DPYSL3: variants seen among roughly 807,000 people sequenced by gnomAD.
The protein encoded by DPYSL3 is dihydropyrimidinase-related protein 3.
Under a neutral mutation model 66.1 loss-of-function variants are expected in DPYSL3, and 16 were observed. The observed-to-expected ratio is 0.24, with a 90% CI of 0.16 to 0.37. The LOEUF (loss-of-function observed/expected upper bound fraction) is 0.37, where lower values mean the gene tolerates loss of function less well. Ranked by LOEUF, DPYSL3 falls within the 10% of genes least tolerant of loss-of-function variation. The probability of loss-of-function intolerance (pLI) is 1.00; values close to 1 mark genes in which losing one functional copy is unlikely to be tolerated. For missense variants in DPYSL3, 738 were observed against 916.2 expected, an observed-to-expected ratio of 0.81 and a Z score of 2.51; for synonymous variants, 338 against 345.1, an observed-to-expected ratio of 0.98 and a Z score of 0.23.
chr5:147,418,012 T>A (rs1178497912), intron 3 of DPYSL3, among the ~76,000 whole-genome samples: 1 of 152,124 alleles, frequency 6.6e-6, no homozygotes, highest in Non-Finnish European at 1.5e-5. Context: ...GAAATGTAAT[T>A]CTCCATAATC....
intron 9 of DPYSL3, among the ~76,000 whole-genome samples, chr5:147,401,131 C>T (rs927723703): frequency 1.1e-4 from 17 of 152,178 alleles, no homozygotes; most frequent in African/African-American, 3.9e-4. Flanking sequence ...ACAAAGGAGT[C>T]TCCCTATAAT....
At chr5:147,497,688 A>G (rs2126455276) in intron 1 of DPYSL3, among the ~76,000 whole-genome samples, 1 of 147,544 alleles carries the variant, frequency 6.8e-6, no homozygotes, top group African/African-American at 2.6e-5. Flanking sequence ...ATTTGGCAAA[A>G]TCCAATATCC....
intron 1 of DPYSL3, among the ~76,000 whole-genome samples, chr5:147,470,816 T>C (rs931042548): frequency 3.9e-5 from 6 of 152,152 alleles, no homozygotes; most frequent in African/African-American, 1.4e-4. Context: ...CCTTTAACAC[T>C]CAGCTCAGGC....
intron 1 of DPYSL3, among the ~76,000 whole-genome samples, chr5:147,441,129 C>T (rs954428214): frequency 1.3e-5 from 2 of 151,802 alleles, no homozygotes; most frequent in South Asian, 4.2e-4. Flanking sequence ...GAGAACTTCT[C>T]AAGTTTTAAG....
intron 1 of DPYSL3, among the ~76,000 whole-genome samples, chr5:147,439,799 T>C (rs1043674947): frequency 6.6e-6 from 1 of 152,178 alleles, no homozygotes; most frequent in Non-Finnish European, 1.5e-5. Flanking sequence ...GCACAGCTAA[T>C]ATACAGTTAG....
chr5:147,501,598 C>T (rs978280434), intron 1 of DPYSL3, among the ~76,000 whole-genome samples: 1 of 150,702 alleles, frequency 6.6e-6, no homozygotes, highest in Admixed American at 6.6e-5. Flanking sequence ...AATTCTCTCA[C>T]CTCCCAAGTA....
chr5:147,434,732 G>A (rs1286794220), intron 1 of DPYSL3, among the ~76,000 whole-genome samples: 16 of 150,762 alleles, frequency 1.1e-4, no homozygotes, highest in Admixed American at 1.1e-3. Context: ...GTGGTTACCA[G>A]TTGGGGCGGG....
intron 1 of DPYSL3, among the ~76,000 whole-genome samples, chr5:147,475,884 T>G (rs1230093296): frequency 1.3e-5 from 2 of 152,174 alleles, no homozygotes. Context: ...TAGCATCAAT[T>G]AACATATCCT....
At chr5:147,435,717 A>G (rs1240435141) in intron 1 of DPYSL3, among the ~76,000 whole-genome samples, 1 of 152,150 alleles carries the variant, frequency 6.6e-6, no homozygotes, top group Non-Finnish European at 1.5e-5. Context: ...AGCAAGTGGC[A>G]GGGGGAAAAA....
chr5:147,411,523 T>A lies in DPYSL3; in HGVS notation c.963+1085A>T, dbSNP rs1400514850. ...TGATCCTTGGGCCAGTGACGTAATC[T>A]TTCTGAGCCTGGATGGTCTCATGTA... On this transcript the variant is annotated intron_variant, in intron 6 of 13. Coordinates refer to ENST00000343218, the MANE Select transcript of DPYSL3 (RefSeq NM_001197294.2). 3.3e-5 allele frequency among the ~76,000 whole-genome samples: 5 copies of A among 152,240 alleles called. No individual in the cohort carries two copies. The East Asian group carries it at 9.6e-4, about 29-fold the overall frequency.
At chr5:147,497,429 A>G (rs2070299759) in intron 1 of DPYSL3, among the ~76,000 whole-genome samples, 1 of 152,058 alleles carries the variant, frequency 6.6e-6, no homozygotes, top group Non-Finnish European at 1.5e-5. Context: ...AGAAAAGCAA[A>G]CTACAGATCA....
At chr5:147,409,094 C>T (rs1751788762) in intron 6 of DPYSL3, among the ~76,000 whole-genome samples, 2 of 152,232 alleles carry the variant, frequency 1.3e-5, no homozygotes, top group African/African-American at 4.8e-5. Context: ...CTCTCAGTCT[C>T]AGCTGCCTCT....
chr5:147,468,162 A>G (rs1004703246), intron 1 of DPYSL3, among the ~76,000 whole-genome samples: 1 of 152,206 alleles, frequency 6.6e-6, no homozygotes, highest in African/African-American at 2.4e-5. Context: ...CAATGGCTCT[A>G]TTGTAATGAG....
intron 1 of DPYSL3, among the ~76,000 whole-genome samples, chr5:147,505,838 C>T (rs1753678699): frequency 1.3e-5 from 2 of 152,240 alleles, no homozygotes; most frequent in South Asian, 2.1e-4. Context: ...TCTGTCCTTG[C>T]TCTGAATAAT....
At chr5:147,420,540 C>T (rs185844724) in intron 2 of DPYSL3, among the ~76,000 whole-genome samples, 11 of 152,230 alleles carry the variant, frequency 7.2e-5, no homozygotes, top group Middle Eastern at 3.4e-3. Context: ...AGTACCATAC[C>T]GTGTGACATA....
intron 1 of DPYSL3, among the ~76,000 whole-genome samples, chr5:147,477,927 TG>T (rs1753184215): frequency 6.6e-6 from 1 of 152,144 alleles, no homozygotes; most frequent in South Asian, 2.1e-4. Flanking sequence ...AAAGAAAAGA[TG>T]TTAAAGGCAA....
intron 1 of DPYSL3, among the ~76,000 whole-genome samples, chr5:147,497,229 A>C (rs561668190): frequency 4.4e-5 from 6 of 137,786 alleles, no homozygotes; most frequent in African/African-American, 1.6e-4. Context: ...GAAGGGGAAC[A>C]TCACACACCA....
chr5:147,492,737 A>G (rs1753434786), intron 1 of DPYSL3, among the ~76,000 whole-genome samples: 1 of 151,764 alleles, frequency 6.6e-6, no homozygotes, highest in African/African-American at 2.4e-5. Flanking sequence ...TTAAAACCAC[A>G]AAAAACAGAA....
intron 1 of DPYSL3, among the ~76,000 whole-genome samples, chr5:147,437,358 G>A (rs991839921): frequency 6.6e-6 from 1 of 152,226 alleles, no homozygotes; most frequent in African/African-American, 2.4e-5. Context: ...TGGAATGTGT[G>A]AGAAGCACCT....
Sources: allele counts gnomAD v4.1 joint callset (sites outside exome capture counted in the v4.1 genomes callset), GRCh38; gene constraint gnomAD v4.1.1; transcripts MANE v1.5; gene names NCBI Gene and HGNC (gene_info 2026-07-23, HGNC 2026-07-21).